Variants in LIMCH1 observed in about 807,000 individuals in gnomAD.
LIMCH1 encodes LIM and calponin homology domains 1, also known as LIM and calponin homology domains-containing protein 1.
A neutral mutation model predicts 176.5 loss-of-function variants in LIMCH1; 113 were observed. The ratio of observed to expected loss-of-function variants is 0.64; its 90% confidence interval spans 0.55 to 0.75. The LOEUF (loss-of-function observed/expected upper bound fraction) is 0.75, where lower values mean the gene tolerates loss of function less well. LIMCH1 is among the 30% of genes least tolerant of loss of function. The pLI, the probability that LIMCH1 is intolerant of heterozygous loss-of-function variation, is 0.00. For synonymous variants in LIMCH1, 619 were observed against 645.9 expected, an observed-to-expected ratio of 0.96 and a Z score of 0.63; for missense variants, 1,674 against 1,814.9, an observed-to-expected ratio of 0.92 and a Z score of 1.41.
intron 1 of LIMCH1, among the ~76,000 whole-genome samples, chr4:41,478,754 G>A (rs1387417379): frequency 2.6e-5 from 4 of 152,306 alleles, no homozygotes; most frequent in East Asian, 1.9e-4. Context: ...CATTGGTAAC[G>A]TCATGTCGAT....
At chr4:41,380,301 CTTCTT>C (rs1451313420) in intron 1 of LIMCH1, among the ~76,000 whole-genome samples, 1 of 151,814 alleles carries the variant, frequency 6.6e-6, no homozygotes, top group African/African-American at 2.4e-5. Context: ...GATTTGATAT[CTTCTT>C]TTCTTTTCTT....
chr4:41,689,451 T>G, intron 29 of LIMCH1, 76 bp from the exon 30 acceptor site: 37 of 742,204 alleles, frequency 5.0e-5, no homozygotes, highest in Non-Finnish European at 7.4e-5. Flanking sequence ...CATTTTTGCA[T>G]GAGGTTACAT....
chr4:41,629,448 A>G (rs1418008140), intron 8 of LIMCH1, 44 bp from the exon 9 acceptor site: 1 of 1,530,428 alleles, frequency 6.5e-7, no homozygotes, highest in Admixed American at 2.0e-5. Flanking sequence ...CCTTCCTTGA[A>G]CTTGATTTTT....
At chr4:41,615,411 T>C (rs2091952120) in intron 5 of LIMCH1, among the ~76,000 whole-genome samples, 3 of 152,152 alleles carry the variant, frequency 2.0e-5, no homozygotes, top group Admixed American at 2.0e-4. Context: ...GCAATTAAAA[T>C]TGATAAGCTA....
intron 22 of LIMCH1, 62 bp from the exon 23 acceptor site, chr4:41,676,320 C>A: frequency 7.3e-7 from 1 of 1,369,528 alleles, no homozygotes; most frequent in Non-Finnish European, 1.0e-6. Flanking sequence ...GTCTACTCTT[C>A]ACCCGGCCTG....
intron 4 of LIMCH1, among the ~76,000 whole-genome samples, chr4:41,611,704 AATAAC>A (rs560669442): frequency 3.3e-5 from 5 of 152,360 alleles, no homozygotes; most frequent in South Asian, 4.1e-4. Flanking sequence ...GTGAGGATTA[AATAAC>A]ATAACATGCA....
chr4:41,535,179 A>AG (rs2077760109), upstream of LIMCH1, among the ~76,000 whole-genome samples: 3 of 151,082 alleles, frequency 2.0e-5, no homozygotes, highest in Admixed American at 2.0e-4. Context: ...AAAAAAAAAA[A>AG]AAAAAGAAAA....
At chr4:41,679,028 A>T (rs1306953355) in intron 23 of LIMCH1, among the ~76,000 whole-genome samples, 2 of 152,218 alleles carry the variant, frequency 1.3e-5, no homozygotes, top group Non-Finnish European at 2.9e-5. Context: ...ACCAGGCTCC[A>T]GAGAATGCCA....
intron 4 of LIMCH1, among the ~76,000 whole-genome samples, chr4:41,610,782 C>T (rs1031091347): frequency 1.3e-5 from 2 of 152,170 alleles, no homozygotes; most frequent in Admixed American, 1.3e-4. Context: ...GGAGACCATT[C>T]TCTTAACCAT....
chr4:41,562,624 C>T (rs1419483187), intron 1 of LIMCH1, among the ~76,000 whole-genome samples: 1 of 151,968 alleles, frequency 6.6e-6, no homozygotes, highest in Non-Finnish European at 1.5e-5. Context: ...AAATTGTTAC[C>T]CCTAGTATCT....
At chr4:41,539,156 G>C (rs944995677) in intron 1 of LIMCH1, among the ~76,000 whole-genome samples, 1 of 152,160 alleles carries the variant, frequency 6.6e-6, no homozygotes, top group African/African-American at 2.4e-5. Context: ...CATCTTTGTG[G>C]AGTCGGGAAA....
intron 7 of LIMCH1, 102 bp downstream of exon 7, chr4:41,620,792 C>G (rs933055769): frequency 3.8e-6 from 5 of 1,317,336 alleles, no homozygotes; most frequent in Non-Finnish European, 4.0e-6. Context: ...TTCCACTTCC[C>G]GCTTTTCCTA....
At chr4:41,449,470 T>TAC (rs2063618147) in intron 1 of LIMCH1, among the ~76,000 whole-genome samples, 1 of 152,222 alleles carries the variant, frequency 6.6e-6, no homozygotes, top group Non-Finnish European at 1.5e-5. Context: ...TTTCCCATTT[T>TAC]AGGCCCCAGG....
At chr4:41,594,178 T>C (rs1222309814) in intron 1 of LIMCH1, among the ~76,000 whole-genome samples, 1 of 152,206 alleles carries the variant, frequency 6.6e-6, no homozygotes, top group Non-Finnish European at 1.5e-5. Context: ...ACACCCTTAT[T>C]TAGTTTTTCC....
At chr4:41,370,898 A>T (rs2053864519) in intron 1 of LIMCH1, among the ~76,000 whole-genome samples, 2 of 152,302 alleles carry the variant, frequency 1.3e-5, no homozygotes, top group South Asian at 4.1e-4. Context: ...CGTTTTACAG[A>T]TGGGAAAATG....
At chr4:41,374,182 G>C (rs1198890994) in intron 1 of LIMCH1, among the ~76,000 whole-genome samples, 1 of 152,190 alleles carries the variant, frequency 6.6e-6, no homozygotes, top group Non-Finnish European at 1.5e-5. Context: ...ATATTGATGA[G>C]GGGGAACAGC....
At chr4:41,560,561 CT>C (rs1326566368) in intron 1 of LIMCH1, among the ~76,000 whole-genome samples, 5 of 152,174 alleles carry the variant, frequency 3.3e-5, no homozygotes, top group African/African-American at 1.2e-4. Flanking sequence ...GTGTACTCCC[CT>C]CTCTATTGTC....
At chr4:41,471,667 C>T (rs565134856) in intron 1 of LIMCH1, among the ~76,000 whole-genome samples, 12 of 152,324 alleles carry the variant, frequency 7.9e-5, no homozygotes, top group African/African-American at 2.9e-4. Context: ...GTGTCCATGT[C>T]TCAGAGCTGC....
At chr4:41,496,655 A>G (rs2072206318) in intron 2 of LIMCH1, among the ~76,000 whole-genome samples, 1 of 152,176 alleles carries the variant, frequency 6.6e-6, no homozygotes, top group Admixed American at 6.5e-5. Flanking sequence ...GTTTTGTGTA[A>G]GTTGAGACTA....
Sources: gnomAD v4.1 joint callset for allele counts (sites outside exome capture counted in the v4.1 genomes callset) on GRCh38, gnomAD v4.1.1 for gene constraint, MANE v1.5 for transcripts, NCBI Gene and HGNC (gene_info 2026-07-23, HGNC 2026-07-21) for gene names.